The following CSMD1 variants were observed in gnomAD, a reference collection of about 807,000 sequenced individuals.
The protein encoded by CSMD1 is CUB and Sushi multiple domains 1.
In CSMD1, 213 loss-of-function variants were observed where a neutral mutation model predicts 417.5. The observed-to-expected ratio is 0.51, with a 90% confidence interval of 0.46 to 0.57. The LOEUF is 0.57. CSMD1 is among the 20% of genes least tolerant of loss of function. The probability of loss-of-function intolerance (pLI) is 0.00; values close to 1 mark genes in which losing one functional copy is unlikely to be tolerated. For missense variants in CSMD1, 6,923 were observed against 4,529.7 expected (o/e 1.53, Z -15.17); for synonymous variants, 2,862 against 1,736.8 (o/e 1.65, Z -16.11).
chr8:3,680,167 G>A (rs117629038), intron 7 of CSMD1, among the ~76,000 whole-genome samples: 21,705 of 151,824 alleles, frequency 0.14, 1,617 homozygotes, highest in African/African-American at 0.19. Flanking sequence ...CTAGCAGAAG[G>A]CAAGAAACAA....
chr8:3,516,297 G>A lies in CSMD1; in HGVS notation c.1345-22571C>T, dbSNP rs117941407. Among the ~76,000 whole-genome samples, 1,176 of 152,302 alleles carry A rather than the reference G, an allele frequency of 7.7e-3. 9 individuals are homozygous for A. Among genetic ancestry groups the A allele is most frequent in the Non-Finnish European group, 0.012 (806 of 68,026 alleles). ...AGCTCCAGTAAATGCTAAGTTCTGG[G>A]ATTATAAAGAATCCAAAGAAGGTCA... On this transcript the variant is annotated intron_variant, in intron 10 of 69. Transcript: ENST00000635120.
chr8:3,913,001 C>T (rs949597099), intron 5 of CSMD1, among the ~76,000 whole-genome samples: 5 of 152,216 alleles, frequency 3.3e-5, no homozygotes, highest in Admixed American at 2.6e-4. Flanking sequence ...AGCCTACGCA[C>T]TGGTGACTAT....
chr8:3,677,881 T>G (rs140987857), intron 7 of CSMD1, among the ~76,000 whole-genome samples: 1 of 152,194 alleles, frequency 6.6e-6, no homozygotes, highest in East Asian at 1.9e-4. Flanking sequence ...TCAGCCCTTT[T>G]TTTCCATCAT....
chr8:4,378,225 G>A (rs955871502), intron 3 of CSMD1, among the ~76,000 whole-genome samples: 1 of 152,150 alleles, frequency 6.6e-6, no homozygotes, highest in Non-Finnish European at 1.5e-5. Context: ...GTACTGATGA[G>A]ATTTCCTTAA....
chr8:4,541,490 G>A (rs568176707), intron 2 of CSMD1, among the ~76,000 whole-genome samples: 1 of 152,130 alleles, frequency 6.6e-6, no homozygotes, highest in Non-Finnish European at 1.5e-5. Context: ...GCTCACACCT[G>A]TAATCCCCAC....
intron 3 of CSMD1, among the ~76,000 whole-genome samples, chr8:4,258,097 C>G (rs915999506): frequency 6.6e-6 from 1 of 151,566 alleles, no homozygotes; most frequent in African/African-American, 2.4e-5. Flanking sequence ...GCCCGTGCTA[C>G]CATTCCCGGC....
chr8:4,811,701 A>T (rs1468849309), intron 1 of CSMD1, among the ~76,000 whole-genome samples: 1 of 150,780 alleles, frequency 6.6e-6, no homozygotes, highest in East Asian at 1.9e-4. Flanking sequence ...CAGAAATAAG[A>T]AAAAAAATGA....
intron 26 of CSMD1, among the ~76,000 whole-genome samples, chr8:3,236,328 C>T (rs921619345): frequency 1.3e-5 from 2 of 151,978 alleles, no homozygotes; most frequent in South Asian, 4.1e-4. Context: ...CTAAGGCTTA[C>T]TTAAGTTTAA....
chr8:4,359,698 A>G (rs1584953995), intron 3 of CSMD1, among the ~76,000 whole-genome samples: 1 of 152,172 alleles, frequency 6.6e-6, no homozygotes, highest in East Asian at 1.9e-4. Flanking sequence ...TCTGGGTTTT[A>G]GTGTGTTTGT....
At chr8:3,870,226 C>A (rs1190745838) in intron 5 of CSMD1, among the ~76,000 whole-genome samples, 2 of 152,080 alleles carry the variant, frequency 1.3e-5, no homozygotes, top group African/African-American at 4.8e-5. Flanking sequence ...CTCTTTCTAG[C>A]AAAATTAATA....
At chr8:4,632,929 C>G (rs777184932) in intron 2 of CSMD1, among the ~76,000 whole-genome samples, 1 of 152,184 alleles carries the variant, frequency 6.6e-6, no homozygotes, top group African/African-American at 2.4e-5. Flanking sequence ...TGCAACTGAA[C>G]AAGGATACTT....
At chr8:4,196,409 C>T (rs1397382540) in intron 3 of CSMD1, among the ~76,000 whole-genome samples, 1 of 152,052 alleles carries the variant, frequency 6.6e-6, no homozygotes. Flanking sequence ...AGACAAAAAT[C>T]AAGGCGTTTT....
chr8:4,394,608 G>C (rs1804076986), intron 3 of CSMD1, among the ~76,000 whole-genome samples: 1 of 152,146 alleles, frequency 6.6e-6, no homozygotes. Context: ...GCAGGAAGGT[G>C]AGATGTTGTC....
At chr8:4,812,415 T>G (rs1585140639) in intron 1 of CSMD1, among the ~76,000 whole-genome samples, 1 of 152,188 alleles carries the variant, frequency 6.6e-6, no homozygotes, top group East Asian at 1.9e-4. Flanking sequence ...AGTAGTGACT[T>G]TGTCAATTTC....
chr8:3,013,746 C>CAGA (rs1436267907), intron 52 of CSMD1, among the ~76,000 whole-genome samples: 8 of 135,880 alleles, frequency 5.9e-5, no homozygotes, highest in African/African-American at 2.4e-4. Context: ...GACTCCATCT[C>CAGA]AGAAAAAAAA....
intron 5 of CSMD1, among the ~76,000 whole-genome samples, chr8:3,772,680 TAC>T (rs1426337834): frequency 8.9e-5 from 13 of 145,414 alleles, no homozygotes; most frequent in Admixed American, 1.4e-4. Context: ...TATACATATA[TAC>T]ATATATATAC....
At chr8:3,090,628 C>T (rs1053483993) in intron 48 of CSMD1, among the ~76,000 whole-genome samples, 2 of 152,102 alleles carry the variant, frequency 1.3e-5, no homozygotes, top group Non-Finnish European at 2.9e-5. Flanking sequence ...TCCCTAAAGA[C>T]GTAAAACACC....
chr8:3,641,152 G>A (rs1317064716), intron 7 of CSMD1, among the ~76,000 whole-genome samples: 1 of 149,248 alleles, frequency 6.7e-6, no homozygotes, highest in African/African-American at 2.5e-5. Context: ...CCGGTTCTCT[G>A]AATCTGCACA....
chr8:4,664,536 C>G (rs966175743), intron 1 of CSMD1, among the ~76,000 whole-genome samples: 1 of 151,906 alleles, frequency 6.6e-6, no homozygotes, highest in Non-Finnish European at 1.5e-5. Flanking sequence ...ATTCCACCCT[C>G]GGCAATACAG....
Sources: allele counts gnomAD v4.1 joint callset (sites outside exome capture counted in the v4.1 genomes callset), GRCh38; gene constraint gnomAD v4.1.1; transcripts MANE v1.5; gene names NCBI Gene and HGNC (gene_info 2026-07-23, HGNC 2026-07-21).